SKAP2: variants seen among roughly 807,000 people sequenced by gnomAD.
The protein encoded by SKAP2 is src kinase-associated phosphoprotein 2.
A neutral mutation model predicts 54.9 loss-of-function variants in SKAP2; 28 were observed. The ratio of observed to expected loss-of-function variants is 0.51; its 90% CI spans 0.38 to 0.70. SKAP2 has a LOEUF of 0.70. Among genes scored for constraint, SKAP2 ranks in the 30% least tolerant of loss-of-function variants. The probability of loss-of-function intolerance (pLI) is 0.00; values close to 1 mark genes in which losing one functional copy is unlikely to be tolerated. For synonymous variants in SKAP2, 137 were observed against 134.3 expected (o/e 1.02, Z -0.14); for missense variants, 356 against 424.1 (o/e 0.84, Z 1.41).
intron 4 of SKAP2, among the ~76,000 whole-genome samples, chr7:26,799,919 C>G (rs1170805152): frequency 6.6e-6 from 1 of 151,740 alleles, no homozygotes; most frequent in African/African-American, 2.4e-5. Flanking sequence ...GAGATAGAGA[C>G]CATCCTGGCT....
intron 4 of SKAP2, among the ~76,000 whole-genome samples, chr7:26,752,186 T>G (rs2127966901): frequency 6.6e-6 from 1 of 152,112 alleles, no homozygotes; most frequent in South Asian, 2.1e-4. Context: ...ACAACCAACA[T>G]GAAGCAAGAA....
intron 1 of SKAP2, among the ~76,000 whole-genome samples, chr7:26,860,018 T>C (rs184112045): frequency 6.6e-6 from 1 of 152,322 alleles, no homozygotes; most frequent in Admixed American, 6.5e-5. Flanking sequence ...TTTCCTACTC[T>C]GTTGTGTCTA....
At chr7:26,807,307 T>C (rs1270814246) in intron 4 of SKAP2, among the ~76,000 whole-genome samples, 6 of 152,190 alleles carry the variant, frequency 3.9e-5, no homozygotes, top group Admixed American at 1.3e-4. Context: ...TCCTCACGTG[T>C]CCAGGGAAGG....
intron 10 of SKAP2, among the ~76,000 whole-genome samples, chr7:26,690,078 A>G (rs1786748835): frequency 6.6e-6 from 1 of 152,214 alleles, no homozygotes; most frequent in East Asian, 1.9e-4. Flanking sequence ...AATACCTTGT[A>G]TAAATTGGCT....
At chr7:26,834,181 A>G (rs949125305) in intron 4 of SKAP2, among the ~76,000 whole-genome samples, 7 of 152,226 alleles carry the variant, frequency 4.6e-5, no homozygotes, top group African/African-American at 1.4e-4. Context: ...AATCTCTGGG[A>G]CACAGCTAAA....
intron 4 of SKAP2, among the ~76,000 whole-genome samples, chr7:26,777,434 A>T (rs535149192): frequency 6.6e-6 from 1 of 152,312 alleles, no homozygotes; most frequent in African/African-American, 2.4e-5. Context: ...ACACATTAAT[A>T]GTTCTTTGAA....
chr7:26,845,631 T>C (rs1254453306), intron 3 of SKAP2, among the ~76,000 whole-genome samples: 1 of 152,182 alleles, frequency 6.6e-6, no homozygotes, highest in African/African-American at 2.4e-5. Context: ...ATATTTCTCT[T>C]ATGAAAAGAA....
chr7:26,679,064 T>G (rs1443100842), intron 11 of SKAP2, among the ~76,000 whole-genome samples: 1 of 152,220 alleles, frequency 6.6e-6, no homozygotes, highest in African/African-American at 2.4e-5. Flanking sequence ...CTCTTAGTTA[T>G]TCATGCTGAA....
At chr7:26,806,566 T>G (rs943124823) in intron 4 of SKAP2, among the ~76,000 whole-genome samples, 2 of 152,166 alleles carry the variant, frequency 1.3e-5, no homozygotes, top group African/African-American at 4.8e-5. Flanking sequence ...GAAATTCATG[T>G]TGAAAGCCAA....
chr7:26,778,449 T>A (rs943495101), intron 4 of SKAP2, among the ~76,000 whole-genome samples: 3 of 152,036 alleles, frequency 2.0e-5, no homozygotes. Flanking sequence ...CTGCACACAT[T>A]CTCATATTTT....
chr7:26,741,097 T>C (rs954254350), intron 4 of SKAP2, among the ~76,000 whole-genome samples: 5 of 152,100 alleles, frequency 3.3e-5, no homozygotes, highest in Admixed American at 2.6e-4. Context: ...CCAGTGGAAA[T>C]AGTTTCAGTA....
At chr7:26,785,708 C>T (rs971088553) in intron 4 of SKAP2, among the ~76,000 whole-genome samples, 8 of 152,162 alleles carry the variant, frequency 5.3e-5, no homozygotes, top group African/African-American at 1.9e-4. Flanking sequence ...GAATGTTGGA[C>T]TCCTAAGAAA....
At chr7:26,733,817 G>T (rs1584358037) in intron 6 of SKAP2, among the ~76,000 whole-genome samples, 1 of 152,218 alleles carries the variant, frequency 6.6e-6, no homozygotes, top group Non-Finnish European at 1.5e-5. Flanking sequence ...AATAACCTTT[G>T]AATGACTTTG....
At chr7:26,824,966 T>C (rs1236504905) in intron 4 of SKAP2, among the ~76,000 whole-genome samples, 3 of 152,202 alleles carry the variant, frequency 2.0e-5, no homozygotes, top group Non-Finnish European at 2.9e-5. Context: ...AATATACTCT[T>C]GTGGTTTTTA....
chr7:26,839,426 C>T (rs980790314), intron 4 of SKAP2, among the ~76,000 whole-genome samples: 8 of 151,940 alleles, frequency 5.3e-5, no homozygotes, highest in Non-Finnish European at 7.4e-5. Flanking sequence ...CATATTAAGA[C>T]AACCCAAAAA....
Position 26,803,447 on chromosome 7 carries a change from T to C in SKAP2, c.307+40583A>G, listed in dbSNP as rs549664198. ...ATCTCACCCCAGTTAAAATGGCTTATATCCAAAAGACAGGCAATAGCAAAT... is the reference window on the plus strand; with the variant it reads ...ATCTCACCCCAGTTAAAATGGCTTACATCCAAAAGACAGGCAATAGCAAAT... On this transcript the variant is annotated intron_variant, in intron 4 of 12. Coordinates refer to ENST00000345317, the MANE Select transcript of SKAP2 (RefSeq NM_003930.5). Among the ~76,000 whole-genome samples, 17 of 152,328 alleles carry C rather than the reference T, an allele frequency of 1.1e-4. No homozygotes were observed. In the South Asian group the frequency reaches 2.9e-3, roughly 26 times the overall value.
At chr7:26,790,606 T>A (rs1025747188) in intron 4 of SKAP2, among the ~76,000 whole-genome samples, 1 of 152,236 alleles carries the variant, frequency 6.6e-6, no homozygotes, top group Non-Finnish European at 1.5e-5. Flanking sequence ...AGAACATTCA[T>A]ATGTTGGTCA....
intron 3 of SKAP2, among the ~76,000 whole-genome samples, chr7:26,848,333 T>A (rs1784969035): frequency 6.6e-6 from 1 of 152,062 alleles, no homozygotes; most frequent in Admixed American, 6.6e-5. Context: ...TCAACAGAAC[T>A]CCAAAATGTT....
chr7:26,758,120 T>C (rs756002115), intron 4 of SKAP2, among the ~76,000 whole-genome samples: 6 of 152,148 alleles, frequency 3.9e-5, no homozygotes, highest in Non-Finnish European at 7.3e-5. Flanking sequence ...CTAGCACATA[T>C]ATGTATTCTT....
Sources: gnomAD v4.1 joint callset for allele counts (sites outside exome capture counted in the v4.1 genomes callset) on GRCh38, gnomAD v4.1.1 for gene constraint, MANE v1.5 for transcripts, NCBI Gene and HGNC (gene_info 2026-07-23, HGNC 2026-07-21) for gene names.